AKAP6: variants seen among roughly 807,000 people sequenced by gnomAD.
The protein encoded by AKAP6 is A-kinase anchoring protein 6.
A neutral mutation model predicts 188.5 loss-of-function variants in AKAP6; 58 were observed. That is an observed-to-expected ratio of 0.31 (90% confidence interval 0.25 to 0.38). The LOEUF (loss-of-function observed/expected upper bound fraction) is 0.38, where lower values mean the gene tolerates loss of function less well. Among genes scored for constraint, AKAP6 ranks in the 10% least tolerant of loss-of-function variants. The pLI, the probability that AKAP6 is intolerant of heterozygous loss-of-function variation, is 1.00. For synonymous variants in AKAP6, 989 were observed against 998.6 expected, an observed-to-expected ratio of 0.99 and a Z score of 0.18; for missense variants, 2,710 against 2,740.0, an observed-to-expected ratio of 0.99 and a Z score of 0.24.
chr14:32,813,398 C>A (rs560362611), intron 12 of AKAP6, among the ~76,000 whole-genome samples: 18 of 124,976 alleles, frequency 1.4e-4, no homozygotes, highest in African/African-American at 1.9e-4. Flanking sequence ...TACCCCCCCC[C>A]CCAACCCCTT....
chr14:32,518,985 A>G (rs892563308), intron 2 of AKAP6, among the ~76,000 whole-genome samples: 1 of 152,262 alleles, frequency 6.6e-6, no homozygotes, highest in Non-Finnish European at 1.5e-5. Flanking sequence ...CATCAGACTA[A>G]CAGCAGATCT....
chr14:32,786,296 A>ATGTTTTTTTTGTTTT, intron 12 of AKAP6, among the ~76,000 whole-genome samples: 1 of 93,706 alleles, frequency 1.1e-5, no homozygotes. Context: ...CTAAACCTTT[A>ATGTTTTTTTTGTTTT]TCTTTTTTTT....
At chr14:32,564,514 A>G (rs935173076) in intron 4 of AKAP6, among the ~76,000 whole-genome samples, 2 of 152,176 alleles carry the variant, frequency 1.3e-5, no homozygotes, top group African/African-American at 4.8e-5. Context: ...TTGTTGGGAG[A>G]GGAGCATTTG....
At position 32,580,931 on chromosome 14, in the gene AKAP6, T is replaced by C. The variant is rs533977781; in HGVS notation, c.2469+3689T>C. Among the ~76,000 whole-genome samples, 572 of 152,338 alleles carry C rather than the reference T, an allele frequency of 3.8e-3. 5 individuals carry two copies. Among genetic ancestry groups the C allele is most frequent in the Non-Finnish European group, 6.5e-3 (444 of 68,020 alleles). On this transcript the variant is annotated intron_variant, in intron 5 of 13. Coordinates refer to ENST00000280979, the MANE Select transcript of AKAP6 (RefSeq NM_004274.5). ...TATTCCATGGTGTATATGTGCCACA[T>C]TTTCTTAATCCAGTCTATCATTGTT...
At chr14:32,365,045 G>T (rs1273712351) in intron 1 of AKAP6, among the ~76,000 whole-genome samples, 3 of 152,260 alleles carry the variant, frequency 2.0e-5, no homozygotes, top group Non-Finnish European at 4.4e-5. Flanking sequence ...GTGTGCCCAA[G>T]TTAGCATATT....
rs747583052 is a variant in AKAP6, at chr14:32,821,557, C to T, written c.3744C>T (p.Ser1248=). Residue 1248 remains serine, a synonymous_variant, in exon 13 of 14, where the codon TCC becomes TCT. Transcript: ENST00000280979. ...AAGAACTCCAACCTGTTATCCCTTC[C>T]TTGAAGCTTGGAGAGACAAGTAATG... is the stretch of plus-strand genomic sequence containing the variant. ...LDQELQPVIP[S]LKLGETSNED... is the part of the protein sequence containing the mutation. 1.2e-6 allele frequency: 2 copies of T among 1,613,560 alleles called. No homozygotes were observed. Among genetic ancestry groups the T allele is most frequent in the Admixed American group, 3.3e-5 (2 of 59,874 alleles).
intron 7 of AKAP6, among the ~76,000 whole-genome samples, chr14:32,603,820 T>A (rs1594776264): frequency 1.3e-5 from 2 of 152,186 alleles, no homozygotes; most frequent in African/African-American, 4.8e-5. Flanking sequence ...TAGAAGAGAA[T>A]TGGAAATACT....
intron 9 of AKAP6, among the ~76,000 whole-genome samples, chr14:32,711,284 T>C (rs913690999): frequency 1.3e-5 from 2 of 152,060 alleles, no homozygotes; most frequent in African/African-American, 4.8e-5. Flanking sequence ...TGGCCTCCTA[T>C]ACTCTGTTGT....
intron 2 of AKAP6, among the ~76,000 whole-genome samples, chr14:32,487,353 C>A (rs1260978736): frequency 6.6e-6 from 1 of 152,104 alleles, no homozygotes; most frequent in Non-Finnish European, 1.5e-5. Flanking sequence ...ATGGAGGAGT[C>A]CCTCTTTTTC....
chr14:32,535,141 G>A (rs1882615852), intron 2 of AKAP6, among the ~76,000 whole-genome samples: 1 of 152,138 alleles, frequency 6.6e-6, no homozygotes, highest in Non-Finnish European at 1.5e-5. Flanking sequence ...CTTCAAAGGT[G>A]TCTAGGTGAT....
intron 7 of AKAP6, among the ~76,000 whole-genome samples, chr14:32,668,047 A>G (rs1889025396): frequency 6.6e-6 from 1 of 152,130 alleles, no homozygotes; most frequent in African/African-American, 2.4e-5. Flanking sequence ...GATTTGCTGT[A>G]GAGGAATTTA....
At chr14:32,798,067 T>G (rs1265008466) in intron 12 of AKAP6, among the ~76,000 whole-genome samples, 1 of 152,006 alleles carries the variant, frequency 6.6e-6, no homozygotes, top group African/African-American at 2.4e-5. Context: ...CAACCCCCTT[T>G]TAAAAAATGA....
intron 11 of AKAP6, among the ~76,000 whole-genome samples, chr14:32,754,252 A>C (rs1042973782): frequency 6.6e-6 from 1 of 152,114 alleles, no homozygotes; most frequent in African/African-American, 2.4e-5. Flanking sequence ...TCATTATAAA[A>C]TGACCATCTT....
chr14:32,824,355 T>C lies in AKAP6; in HGVS notation c.6542T>C (p.Val2181Ala). The C allele has an allele frequency of 2.5e-6, 4 of 1,612,270 alleles. No homozygotes were observed. Among genetic ancestry groups the C allele is most frequent in the Admixed American group, 1.7e-5 (1 of 59,908 alleles). ...AGTGCTCCTCCAAATGAATCTGCAG[T>C]TCCCAGCGAAGCTGCAATGCCACTA... ...FSSAPPNESAVPSEAAMPLQA... is the reference protein window; with the variant it reads ...FSSAPPNESAAPSEAAMPLQA... Residue 2181 changes from valine to alanine, a missense_variant, in exon 13 of 14, where the codon GTT (valine) becomes GCT (alanine). Physicochemically the swap from Val to Ala is moderately conservative, Grantham distance 64 (BLOSUM62 0). Coordinates refer to ENST00000280979, the MANE Select transcript of AKAP6 (RefSeq NM_004274.5).
intron 2 of AKAP6, among the ~76,000 whole-genome samples, chr14:32,507,088 T>A (rs1017637580): frequency 8.5e-5 from 13 of 152,196 alleles, no homozygotes; most frequent in African/African-American, 3.1e-4. Flanking sequence ...TGAGTAAAAT[T>A]TTTGACCATC....
intron 8 of AKAP6, chr14:32,693,440 T>G (rs1890265482): frequency 6.6e-6 from 1 of 152,174 alleles, no homozygotes; most frequent in South Asian, 2.1e-4. Context: ...CTTGGGAGAA[T>G]GAGAGAACAA....
Position 32,722,600 on chromosome 14 carries a change from G to A in AKAP6, c.3001-9854G>A, listed in dbSNP as rs74572968. On this transcript the variant is annotated intron_variant, in intron 9 of 13. Transcript: ENST00000280979. ...CAAGCTCCACTGGCAGAGCAGAGCA[G>A]TGCAGCACAGAAGGAGAGAAGAGAA... is the stretch of plus-strand genomic sequence containing the variant. Among the ~76,000 whole-genome samples the A allele has an allele frequency of 7.3e-3, 1,107 of 152,256 alleles. 14 individuals are homozygous for A. The highest frequency in any genetic ancestry group is 0.026 in the African/African-American group (1,064 of 41,546).
At chr14:32,677,402 A>G (rs1166731550) in intron 7 of AKAP6, among the ~76,000 whole-genome samples, 2 of 152,188 alleles carry the variant, frequency 1.3e-5, no homozygotes, top group Non-Finnish European at 2.9e-5. Context: ...TAAAGTAGAG[A>G]TTTCAAGGTT....
chr14:32,399,899 A>G (rs558270478), intron 1 of AKAP6, among the ~76,000 whole-genome samples: 1 of 152,124 alleles, frequency 6.6e-6, no homozygotes, highest in Admixed American at 6.5e-5. Context: ...AGCCTTGGTT[A>G]TGGTGCTGTG....
Sources: gnomAD v4.1 joint callset for allele counts (sites outside exome capture counted in the v4.1 genomes callset) on GRCh38, gnomAD v4.1.1 for gene constraint, MANE v1.5 for transcripts, NCBI Gene and HGNC (gene_info 2026-07-23, HGNC 2026-07-21) for gene names.